Variants in GRB10 observed in about 807,000 individuals in gnomAD.
GRB10 encodes growth factor receptor-bound protein 10.
A neutral mutation model predicts 80.9 loss-of-function variants in GRB10; 20 were observed. The ratio of observed to expected loss-of-function variants is 0.25; its 90% CI spans 0.17 to 0.36. GRB10 has a LOEUF of 0.36. Among genes scored for constraint, GRB10 ranks in the 10% least tolerant of loss-of-function variants. The pLI is 1.00. For missense variants in GRB10, 548 were observed against 747.7 expected (o/e 0.73, Z 3.12); for synonymous variants, 291 against 291.5 (o/e 1.00, Z 0.02).
At chr7:50,624,366 G>T (rs538056555) in intron 8 of GRB10, among the ~76,000 whole-genome samples, 61 of 152,300 alleles carry the variant, frequency 4.0e-4, no homozygotes, top group African/African-American at 1.4e-3. Context: ...TTTCCAACGG[G>T]GATAAAGCTG....
chr7:50,738,943 C>T lies in GRB10; in HGVS notation c.-46-6575G>A, dbSNP rs186323119. Among the ~76,000 whole-genome samples the T allele has an allele frequency of 3.3e-5, 5 of 152,122 alleles. No homozygotes were observed. In the East Asian group the frequency reaches 9.7e-4, roughly 29 times the overall value. On this transcript the variant is annotated intron_variant, in intron 3 of 18. Coordinates refer to ENST00000401949, the MANE Select transcript of GRB10 (RefSeq NM_001350814.2). Reference sequence around the variant, plus strand: ...ATGTCGAAGGTTAAACCCTCCTTTGCAAGATTATCATTATAAATAATATAT... The same window carrying T: ...ATGTCGAAGGTTAAACCCTCCTTTGTAAGATTATCATTATAAATAATATAT...
intron 8 of GRB10, 151 bp from the exon 9 acceptor site, chr7:50,619,436 C>T: frequency 1.5e-6 from 1 of 682,994 alleles, no homozygotes; most frequent in Non-Finnish European, 2.7e-6. Context: ...TTAAATCTCT[C>T]TTTAATGCAT....
chr7:50,787,122 A>C (rs113537292), upstream of GRB10, among the ~76,000 whole-genome samples: 6 of 152,354 alleles, frequency 3.9e-5, 1 homozygote, highest in African/African-American at 1.4e-4. Flanking sequence ...CCATCCCAAC[A>C]CTGCATACTG....
chr7:50,676,817 G>T (rs2061008098), intron 5 of GRB10, among the ~76,000 whole-genome samples: 1 of 152,164 alleles, frequency 6.6e-6, no homozygotes, highest in Admixed American at 6.5e-5. Flanking sequence ...TTCTGGAGTG[G>T]GTGGGACAGT....
At chr7:50,732,213 T>A in intron 4 of GRB10, 59 bp downstream of exon 4, 2 of 1,529,054 alleles carry the variant, frequency 1.3e-6, no homozygotes, top group Non-Finnish European at 1.8e-6. Context: ...GCGACATGTG[T>A]GCCCTGGCCC....
chr7:50,594,885 G>A (rs2046368399), intron 18 of GRB10, among the ~76,000 whole-genome samples: 1 of 152,168 alleles, frequency 6.6e-6, no homozygotes, highest in Non-Finnish European at 1.5e-5. Flanking sequence ...GGACCATGTG[G>A]AAGGAGAAAC....
intron 13 of GRB10, among the ~76,000 whole-genome samples, chr7:50,610,983 T>C (rs2049408020): frequency 6.7e-6 from 1 of 149,406 alleles, no homozygotes; most frequent in South Asian, 2.1e-4. Flanking sequence ...CACTTTCCTT[T>C]TTCATTTCCT....
intron 3 of GRB10, among the ~76,000 whole-genome samples, chr7:50,747,117 C>T (rs1298422057): frequency 1.3e-5 from 2 of 152,190 alleles, no homozygotes; most frequent in African/African-American, 4.8e-5. Context: ...TCTCTCTAAA[C>T]TTATTTGAAT....
At chr7:50,766,650 C>T (rs539649260) in intron 2 of GRB10, among the ~76,000 whole-genome samples, 120 of 152,238 alleles carry the variant, frequency 7.9e-4, no homozygotes, top group African/African-American at 2.9e-3. Flanking sequence ...GATCTCTCCT[C>T]TCCTCAATGA....
chr7:50,703,308 T>A (rs76000211), intron 5 of GRB10, among the ~76,000 whole-genome samples: 5,134 of 152,330 alleles, frequency 0.034, 289 homozygotes, highest in African/African-American at 0.12. Context: ...CTCCTCATCC[T>A]ACGGCAAAGC....
intron 2 of GRB10, among the ~76,000 whole-genome samples, chr7:50,757,131 C>T (rs565381630): frequency 1.1e-4 from 16 of 152,264 alleles, no homozygotes; most frequent in African/African-American, 3.6e-4. Flanking sequence ...AAACAGGTCC[C>T]GCTGAACATG....
At chr7:50,718,199 C>G (rs2067179396) in intron 4 of GRB10, among the ~76,000 whole-genome samples, 1 of 152,190 alleles carries the variant, frequency 6.6e-6, no homozygotes, top group African/African-American at 2.4e-5. Flanking sequence ...TCAAGAAGCC[C>G]AGTGCCCAGT....
intron 2 of GRB10, among the ~76,000 whole-genome samples, chr7:50,763,163 C>T (rs756696448): frequency 6.6e-6 from 1 of 151,150 alleles, no homozygotes; most frequent in African/African-American, 2.4e-5. Context: ...CATTACCACA[C>T]AGCCAACAAT....
At chr7:50,680,906 T>C (rs1382636647) in intron 5 of GRB10, among the ~76,000 whole-genome samples, 3 of 152,170 alleles carry the variant, frequency 2.0e-5, no homozygotes, top group African/African-American at 7.2e-5. Flanking sequence ...TGTCTTCTGC[T>C]ACCTTGAAAC....
intron 8 of GRB10, among the ~76,000 whole-genome samples, chr7:50,621,164 T>C (rs1488133452): frequency 6.6e-6 from 1 of 152,222 alleles, no homozygotes; most frequent in African/African-American, 2.4e-5. Context: ...CCCATCCTTG[T>C]GGACAATACT....
At chr7:50,645,606 C>T in intron 7 of GRB10, 1 of 985,358 alleles carries the variant, frequency 1.0e-6, no homozygotes, top group Non-Finnish European at 1.2e-6. Flanking sequence ...TACCCCCATC[C>T]TCCAATCGCC....
At chr7:50,636,365 CCTAA>C (rs2055023072) in intron 7 of GRB10, among the ~76,000 whole-genome samples, 1 of 152,150 alleles carries the variant, frequency 6.6e-6, no homozygotes. Context: ...GAAATTCTTT[CCTAA>C]CTAATTCTAC....
At chr7:50,786,334 A>G (rs918695228), upstream of GRB10, among the ~76,000 whole-genome samples, 8 of 152,196 alleles carry the variant, frequency 5.3e-5, no homozygotes, top group Admixed American at 3.9e-4. Flanking sequence ...TAATTCAAAA[A>G]CATGTCCAAG....
In GRB10 at chr7:50,719,690, A is replaced by G. The variant is rs549828425; in HGVS notation, c.51+12582T>C. Among the ~76,000 whole-genome samples, 6 of 152,250 alleles carry G rather than the reference A, an allele frequency of 3.9e-5. No homozygotes were observed. In the East Asian group the frequency reaches 1.2e-3, roughly 29 times the overall value. On this transcript the variant is annotated intron_variant, in intron 4 of 18. Transcript: ENST00000401949. The stretch of plus-strand genomic sequence containing the variant: ...CATATATCCCAAAATTTAAAGTAAA[A>G]TTTAAAAAATAAAAAAAAAGAGTAA...
Sources: gnomAD v4.1 joint callset for allele counts (sites outside exome capture counted in the v4.1 genomes callset) on GRCh38, gnomAD v4.1.1 for gene constraint, MANE v1.5 for transcripts, NCBI Gene and HGNC (gene_info 2026-07-23, HGNC 2026-07-21) for gene names.